CDKN2AIP: variants seen among roughly 807,000 people sequenced by gnomAD.
CDKN2AIP encodes CDKN2A interacting protein.
A neutral mutation model predicts 44.1 loss-of-function variants in CDKN2AIP; 12 were observed. That is an observed-to-expected ratio of 0.27 (90% confidence interval 0.17 to 0.44). The LOEUF (loss-of-function observed/expected upper bound fraction) is 0.44. Ranked by LOEUF, CDKN2AIP falls within the 20% of genes least tolerant of loss-of-function variation. The pLI, the probability that CDKN2AIP is intolerant of heterozygous loss-of-function variation, is 1.00. For missense variants in CDKN2AIP, 705 were observed against 681.6 expected, an observed-to-expected ratio of 1.03 and a Z score of -0.38; for synonymous variants, 291 against 272.1, an observed-to-expected ratio of 1.07 and a Z score of -0.68.
chr4:183,444,710 CG>C lies in CDKN2AIP; in HGVS notation c.-85del. On this transcript the variant is annotated 5_prime_UTR_variant, in exon 1 of 3. Transcript: ENST00000504169. Reference sequence around the variant, plus strand: ...CGGAGGGGCGTTATCTGGAGGGCCGCGGGTGCAGGCCGCAGTGACAGGGCCG... The same window carrying C: ...CGGAGGGGCGTTATCTGGAGGGCCGCGGTGCAGGCCGCAGTGACAGGGCCG... 4 of 1,337,668 alleles carry C rather than the reference CG, an allele frequency of 3.0e-6. No homozygotes were observed. The highest frequency in any genetic ancestry group is 4.0e-6 in the Non-Finnish European group (4 of 1,010,116). The allele number at this position is 1,337,668 out of a possible 1,614,324, so 82.9% of individuals were successfully genotyped here.
chr4:183,445,171 A>G, intron 1 of CDKN2AIP, 102 bp downstream of exon 1: 3 of 1,412,596 alleles, frequency 2.1e-6, no homozygotes, highest in Non-Finnish European at 2.9e-6. Flanking sequence ...GGGGAGGGGA[A>G]GTTGTGAAGC....
rs766797861 is a variant in CDKN2AIP at position 183,447,424 on chromosome 4, A to G, written c.1740A>G (p.Leu580=). ...CACTAAAACATCCTCAAGAATTACT[A>G]TAATGTGTCCAAAATATCACTGCAT... ...PPALKHPQEL[L] Residue 580 remains leucine, a synonymous_variant, in exon 3 of 3, where the codon CTA becomes CTG. Coordinates refer to ENST00000504169, the MANE Select transcript of CDKN2AIP (RefSeq NM_017632.4). The G allele has an allele frequency of 2.6e-6, 4 of 1,523,240 alleles. No homozygotes were observed. Among genetic ancestry groups the G allele is most frequent in the African/African-American group, 2.8e-5 (2 of 71,776 alleles). 94.4% of individuals were successfully genotyped at this position (1,523,240 alleles called of 1,614,324 possible).
Position 183,446,390 on chromosome 4 carries a change from C to G in CDKN2AIP, c.706C>G (p.Pro236Ala). 1.9e-6 allele frequency: 3 copies of G among 1,588,628 alleles called. No homozygotes were observed. The highest frequency in any genetic ancestry group is 2.6e-6 in the Non-Finnish European group (3 of 1,162,904). Residue 236 changes from proline to alanine, a missense_variant, in exon 3 of 3, where the codon CCA (proline) becomes GCA (alanine). Coordinates refer to ENST00000504169, the MANE Select transcript of CDKN2AIP (RefSeq NM_017632.4). ...GSGKASEAEA[P>A]DKHGSASFVS... ...TGGGAAAGCTTCTGAAGCAGAAGCT[C>G]CAGATAAACACGGTTCTGCATCATT...
Position 183,446,787 on chromosome 4 carries a change from C to T in CDKN2AIP, c.1103C>T (p.Ala368Val). Residue 368 changes from alanine (A) to valine (V), a missense_variant, in exon 3 of 3, where the codon GCA (alanine) becomes GTA (valine). This residue lies in a region of CDKN2AIP where 592 missense variants were observed against 518.0 expected (regional missense o/e 1.14). Transcript: ENST00000504169. ...LTSKSTSQVAASLLASKSSSQ... is the reference protein window; with the variant it reads ...LTSKSTSQVAVSLLASKSSSQ... ...TCCAAGAGCACTTCCCAGGTAGCTGCATCACTACTAGCTTCCAAGAGCAGC... is the reference window on the plus strand; with the variant it reads ...TCCAAGAGCACTTCCCAGGTAGCTGTATCACTACTAGCTTCCAAGAGCAGC... 2.5e-6 allele frequency: 4 copies of T among 1,614,212 alleles called. No homozygotes were observed. Among genetic ancestry groups the T allele is most frequent in the Non-Finnish European group, 3.4e-6 (4 of 1,180,030 alleles).
rs1247403745 is a variant in CDKN2AIP at position 183,444,976 on chromosome 4, C to T, written c.179C>T (p.Ala60Val). Reference sequence around the variant, plus strand: ...GCTGCCTCCGCTAGCACGGATGAAGCTGCCGACGCCGAGAGCGGGACCCGA... The same window carrying T: ...GCTGCCTCCGCTAGCACGGATGAAGTTGCCGACGCCGAGAGCGGGACCCGA... ...GGAASASTDEAADAESGTRNR... is the reference protein window; with the variant it reads ...GGAASASTDEVADAESGTRNR... Residue 60 changes from alanine to valine, a missense_variant, in exon 1 of 3, where the codon GCT (alanine) becomes GTT (valine). This residue lies in a region of CDKN2AIP where 592 missense variants were observed against 518.0 expected (regional missense o/e 1.14). Coordinates refer to ENST00000504169, the MANE Select transcript of CDKN2AIP (RefSeq NM_017632.4). 1.2e-6 allele frequency: 2 copies of T among 1,609,422 alleles called. No individual in the cohort carries two copies. The highest frequency in any genetic ancestry group is 1.7e-6 in the Non-Finnish European group (2 of 1,177,136).
chr4:183,447,380 C>T lies in CDKN2AIP; in HGVS notation c.1696C>T (p.Pro566Ser), dbSNP rs1579141813. The T allele has an allele frequency of 2.6e-6, 4 of 1,558,646 alleles. No homozygotes were observed. Among genetic ancestry groups the T allele is most frequent in the Non-Finnish European group, 2.6e-6 (3 of 1,155,968 alleles). ...AGTACTCCTTGATGAAGAATCGAGGCCTGTAAACTTACCTCCAGCACTAAA... is the reference window on the plus strand; with the variant it reads ...AGTACTCCTTGATGAAGAATCGAGGTCTGTAAACTTACCTCCAGCACTAAA... ...DLVLLDEESR[P>S]VNLPPALKHP... is the part of the protein sequence containing the mutation. The change falls in exon 3 of 3, where the codon CCT (proline) becomes TCT (serine). Residue 566 changes from proline (P) to serine (S), a missense_variant. Pro to Ser is a moderately conservative substitution (Grantham distance 74, BLOSUM62 -1). This residue lies in a region of CDKN2AIP where 113 missense variants were observed against 163.6 expected (regional missense o/e 0.69). Coordinates refer to ENST00000504169, the MANE Select transcript of CDKN2AIP (RefSeq NM_017632.4).
Position 183,447,158 on chromosome 4 carries a change from C to T in CDKN2AIP, c.1474C>T (p.Pro492Ser), listed in dbSNP as rs1733701118. Residue 492 changes from proline (P) to serine (S), a missense_variant, in exon 3 of 3, where the codon CCT (proline) becomes TCT (serine). Around this residue, in one of 2 missense-constraint regions of CDKN2AIP, gnomAD observed 113 missense variants for 163.6 expected, o/e 0.69. Coordinates refer to ENST00000504169, the MANE Select transcript of CDKN2AIP (RefSeq NM_017632.4). ...FVPLKELADL[P>S]QNKSSQESIV... is the part of the protein sequence containing the mutation. ...CCCACTAAAAGAATTGGCAGATCTG[C>T]CTCAAAATAAGAGCTCTCAAGAAAG... 2 of 1,614,072 alleles carry T rather than the reference C, an allele frequency of 1.2e-6. No individual in the cohort carries two copies. Among genetic ancestry groups the T allele is most frequent in the Non-Finnish European group, 1.7e-6 (2 of 1,179,986 alleles).
rs1174463186 is a variant in CDKN2AIP, at chr4:183,446,430, A to G, written c.746A>G (p.Lys249Arg). 3 of 1,613,722 alleles carry G rather than the reference A, an allele frequency of 1.9e-6. No individual in the cohort carries two copies. Among genetic ancestry groups the G allele is most frequent in the Non-Finnish European group, 2.5e-6 (3 of 1,179,672 alleles). ...TCTGCATCATTTGTTTCCTTGCTGAAATCCAGTGTGAATAGTCACATGACC... is the reference window on the plus strand; with the variant it reads ...TCTGCATCATTTGTTTCCTTGCTGAGATCCAGTGTGAATAGTCACATGACC... ...HGSASFVSLL[K>R]SSVNSHMTQS... is the part of the protein sequence containing the mutation. The change falls in exon 3 of 3, where the codon AAA becomes AGA. Residue 249 changes from lysine (K) to arginine (R), a missense_variant. Lys to Arg is a conservative substitution (Grantham distance 26, BLOSUM62 2). This residue lies in a region of CDKN2AIP where 592 missense variants were observed against 518.0 expected (regional missense o/e 1.14). Transcript: ENST00000504169.
Position 183,447,067 on chromosome 4 carries a change from G to A in CDKN2AIP, c.1383G>A (p.Val461=). 6.2e-7 allele frequency: 1 copy of A among 1,614,042 alleles called. No homozygotes were observed. Among genetic ancestry groups the A allele is most frequent in the Non-Finnish European group, 8.5e-7 (1 of 1,179,926 alleles). The stretch of plus-strand genomic sequence containing the variant: ...CTGTTGGTGGCTTTAGTCCCAATGT[G>A]AATCATGGAGAGCTCCTAAATGCAG... ...LVAVGGFSPN[V]NHGELLNAAI... The change falls in exon 3 of 3, where the codon GTG becomes GTA. Residue 461 remains valine, a synonymous_variant. Transcript: ENST00000504169.
rs955022814 is a variant in CDKN2AIP, at chr4:183,448,068, G to C, written c.*641G>C. On this transcript the variant is annotated 3_prime_UTR_variant, in exon 3 of 3. Coordinates refer to ENST00000504169, the MANE Select transcript of CDKN2AIP (RefSeq NM_017632.4). Reference sequence around the variant, plus strand: ...AGCGGGTTAATTTATGTTTTGAGGTGGAATACAATTTACACTTTTTTCTTA... The same window carrying C: ...AGCGGGTTAATTTATGTTTTGAGGTCGAATACAATTTACACTTTTTTCTTA... 1.3e-5 allele frequency: 2 copies of C among 151,994 alleles called. No homozygotes were observed. Among genetic ancestry groups the C allele is most frequent in the Admixed American group, 1.3e-4 (2 of 15,272 alleles). The allele number at this position is 151,994 out of a possible 1,614,324, so 9.4% of individuals were successfully genotyped here.
At chr4:183,445,197 C>CCCGGG in intron 1 of CDKN2AIP, 128 bp downstream of exon 1, 1 of 1,194,156 alleles carries the variant, frequency 8.4e-7, no homozygotes, top group Non-Finnish European at 1.2e-6. Context: ...AATCCGCCGG[C>CCCGGG]CCGGCTGCCC....
rs942932780 is a variant in CDKN2AIP at position 183,445,403 on chromosome 4, A to C, written c.273-132A>C. ...CTGGGGCACTTGTTTATGGGGTTCC[A>C]GGAAACAGTTCTTGGCGGTTGGTTC... On this transcript the variant is annotated intron_variant, in intron 1 of 2. Coordinates refer to ENST00000504169, the MANE Select transcript of CDKN2AIP (RefSeq NM_017632.4). 5 of 733,948 alleles carry C rather than the reference A, an allele frequency of 6.8e-6. No individual in the cohort carries two copies. The African/African-American group carries it at 7.1e-5, about 10-fold the overall frequency. 45.5% of individuals were successfully genotyped at this position (733,948 alleles called of 1,614,324 possible).
rs199828861 is a variant in CDKN2AIP, at chr4:183,446,250, A to G, written c.566A>G (p.Asn189Ser). The G allele has an allele frequency of 6.8e-6, 11 of 1,614,010 alleles. No individual in the cohort carries two copies. The Admixed American group carries it at 1.5e-4, about 22-fold the overall frequency. The change falls in exon 3 of 3, where the codon AAC becomes AGC. Residue 189 changes from asparagine to serine, a missense_variant. Coordinates refer to ENST00000504169, the MANE Select transcript of CDKN2AIP (RefSeq NM_017632.4). Reference sequence around the variant, plus strand: ...TCGGCCATCAAATCAGAGAGTGGGAACTCAGCTCGGAGCTCTGGCATCTCC... The same window carrying G: ...TCGGCCATCAAATCAGAGAGTGGGAGCTCAGCTCGGAGCTCTGGCATCTCC... ...IGSAIKSESG[N>S]SARSSGISSQ... is the part of the protein sequence containing the mutation.
intron 1 of CDKN2AIP, 145 bp downstream of exon 1, chr4:183,445,214 G>T (rs956757200): frequency 1.0e-6 from 1 of 988,064 alleles, no homozygotes; most frequent in African/African-American, 1.6e-5. Flanking sequence ...GCCCTCTAAG[G>T]GGGAGAAGGG....
In CDKN2AIP at chr4:183,446,213, A is replaced by G. The variant is rs1733664243; in HGVS notation, c.529A>G (p.Thr177Ala). Reference protein sequence around the residue: ...RASAQQENSSTCIGSAIKSES... With the variant: ...RASAQQENSSACIGSAIKSES... ...ATCAGCTCAGCAGGAAAACAGTTCA[A>G]CGTGTATAGGGTCGGCCATCAAATC... The change falls in exon 3 of 3, where the codon ACG (threonine) becomes GCG (alanine). Residue 177 changes from threonine (T) to alanine (A), a missense_variant. Physicochemically the swap from Thr to Ala is moderately conservative, Grantham distance 58. Transcript: ENST00000504169. 1 of 1,614,084 alleles carries G rather than the reference A, an allele frequency of 6.2e-7. No homozygotes were observed. Among genetic ancestry groups the G allele is most frequent in the South Asian group, 1.1e-5 (1 of 91,080 alleles).
In CDKN2AIP at chr4:183,446,624, A is replaced by G; in HGVS notation, c.940A>G (p.Thr314Ala). The change falls in exon 3 of 3, where the codon ACA (threonine) becomes GCA (alanine). Residue 314 changes from threonine (T) to alanine (A), a missense_variant. By Grantham distance (58) the Thr-to-Ala change is moderately conservative. This residue lies in a region of CDKN2AIP where 592 missense variants were observed against 518.0 expected (regional missense o/e 1.14). Coordinates refer to ENST00000504169, the MANE Select transcript of CDKN2AIP (RefSeq NM_017632.4). ...ATTGTCTTCCAAACCTAGTTCAGAG[A>G]CAGCTTCAAGTGGGTTAACTTCCAA... ...PLLSSKPSSE[T>A]ASSGLTSKTS... The G allele has an allele frequency of 6.2e-7, 1 of 1,614,042 alleles. No homozygotes were observed. Among genetic ancestry groups the G allele is most frequent in the Non-Finnish European group, 8.5e-7 (1 of 1,179,878 alleles).
At position 183,444,688 on chromosome 4, in the gene CDKN2AIP, A is replaced by G. The variant is rs1367870152; in HGVS notation, c.-110A>G. On this transcript the variant is annotated 5_prime_UTR_variant, in exon 1 of 3. Coordinates refer to ENST00000504169, the MANE Select transcript of CDKN2AIP (RefSeq NM_017632.4). ...TGTTGTTTGGTCTTTAGGCCTGCGGAGGGGCGTTATCTGGAGGGCCGCGGG... is the reference window on the plus strand; with the variant it reads ...TGTTGTTTGGTCTTTAGGCCTGCGGGGGGGCGTTATCTGGAGGGCCGCGGG... The G allele has an allele frequency of 4.8e-5, 53 of 1,104,564 alleles. No individual in the cohort carries two copies. The highest frequency in any genetic ancestry group is 4.5e-5 in the Non-Finnish European group (36 of 804,774). The allele number at this position is 1,104,564 out of a possible 1,614,324, so 68.4% of individuals were successfully genotyped here. A position where few individuals can be genotyped will look rare whatever the true frequency, so the allele number is the denominator to read the frequency against.
Position 183,445,051 on chromosome 4 carries a change from A to G in CDKN2AIP, c.254A>G (p.His85Arg). 6.3e-7 allele frequency: 1 copy of G among 1,587,120 alleles called. No homozygotes were observed. Among genetic ancestry groups the G allele is most frequent in the Non-Finnish European group, 8.6e-7 (1 of 1,159,656 alleles). Reference sequence around the variant, plus strand: ...TCCTTTTCCATGGCCTGGGCGAACCACGTCTTCCTCGGGTGCCGGTGAGTG... The same window carrying G: ...TCCTTTTCCATGGCCTGGGCGAACCGCGTCTTCCTCGGGTGCCGGTGAGTG... Reference protein sequence around the residue: ...LISFSMAWANHVFLGCRYPQK... With the variant: ...LISFSMAWANRVFLGCRYPQK... Residue 85 changes from histidine to arginine, a missense_variant, in exon 1 of 3, where the codon CAC becomes CGC. Physicochemically the swap from His to Arg is conservative, Grantham distance 29. Transcript: ENST00000504169.
rs186484210 is a variant in CDKN2AIP at position 183,448,773 on chromosome 4, T to C, written c.*1346T>C. ...GTATTCTAGGAATAAAAAGATACTT[T>C]AATTTTTTATGCTAGAATTACATAA... is the stretch of plus-strand genomic sequence containing the variant. On this transcript the variant is annotated 3_prime_UTR_variant, in exon 3 of 3. Transcript: ENST00000504169. Among the ~76,000 whole-genome samples the C allele has an allele frequency of 4.7e-4, 72 of 152,250 alleles. No homozygotes were observed. Among genetic ancestry groups the C allele is most frequent in the African/African-American group, 1.7e-3 (69 of 41,504 alleles).
Sources: allele counts gnomAD v4.1 joint callset (sites outside exome capture counted in the v4.1 genomes callset), GRCh38; gene constraint gnomAD v4.1.1; regional missense constraint gnomAD v4.1.1; transcripts MANE v1.5; gene names NCBI Gene and HGNC (gene_info 2026-07-23, HGNC 2026-07-21).